OR51B5: variants seen among roughly 807,000 people sequenced by gnomAD.
OR51B5 encodes olfactory receptor 51B5.
For synonymous variants in OR51B5, 186 were observed against 144.8 expected, an observed-to-expected ratio of 1.28 and a Z score of -2.04; for missense variants, 456 against 374.6, an observed-to-expected ratio of 1.22 and a Z score of -1.79.
At chr11:5,351,967 A>T in intron 1 of OR51B5, 1 of 1,613,202 alleles carries the variant, frequency 6.2e-7, no homozygotes, top group Non-Finnish European at 8.5e-7. Context: ...TGGTCTGTCC[A>T]TTATGCCAAT....
intron 1 of OR51B5, among the ~76,000 whole-genome samples, chr11:5,467,674 C>G (rs1227461927): frequency 2.0e-5 from 3 of 152,224 alleles, no homozygotes; most frequent in Non-Finnish European, 2.9e-5. Flanking sequence ...TTGCTGACAG[C>G]CTTCAGCTAT....
chr11:5,389,358 A>G, intron 1 of OR51B5: 1 of 1,582,470 alleles, frequency 6.3e-7, no homozygotes, highest in Middle Eastern at 1.7e-4. Flanking sequence ...AAGAATTAAT[A>G]ACCAGAAATA....
chr11:5,401,996 G>T (rs12790536), intron 1 of OR51B5, among the ~76,000 whole-genome samples: 113,355 of 149,100 alleles, frequency 0.76, 44,547 homozygotes, highest in Non-Finnish European at 0.87. Context: ...CCCGCTTGCT[G>T]TTCTCTTTTT....
chr11:5,408,537 C>T (rs948450164), intron 1 of OR51B5, among the ~76,000 whole-genome samples: 4 of 152,096 alleles, frequency 2.6e-5, no homozygotes, highest in African/African-American at 9.7e-5. Context: ...TCATGACATC[C>T]AATTGGTGGT....
chr11:5,364,702 T>C (rs2647608), intron 1 of OR51B5, among the ~76,000 whole-genome samples: 36,002 of 152,072 alleles, frequency 0.24, 4,497 homozygotes, highest in Non-Finnish European at 0.26. Context: ...TCTAAGCTGT[T>C]TGCCCATCCA....
chr11:5,413,854 ACTC>A (rs1472663432), intron 1 of OR51B5, among the ~76,000 whole-genome samples: 1 of 151,522 alleles, frequency 6.6e-6, no homozygotes. Context: ...GTTGGAAAAC[ACTC>A]TGCAGGATAT....
upstream of OR51B5, among the ~76,000 whole-genome samples, chr11:5,348,036 G>T (rs1024753145): frequency 7.1e-6 from 1 of 140,826 alleles, no homozygotes; most frequent in Non-Finnish European, 1.6e-5. Context: ...AGATCTCATT[G>T]CAGGAACCAA....
intron 1 of OR51B5, among the ~76,000 whole-genome samples, chr11:5,461,216 C>T (rs371765905): frequency 5.3e-5 from 8 of 152,216 alleles, no homozygotes; most frequent in Admixed American, 3.3e-4. Context: ...ACTGCTCGGG[C>T]GATGGTGGGT....
chr11:5,351,584 T>A, intron 1 of OR51B5: 1 of 1,614,154 alleles, frequency 6.2e-7, no homozygotes, highest in Non-Finnish European at 8.5e-7. Context: ...CACTGGATAT[T>A]CATCCCATTA....
chr11:5,351,416 T>C (rs937588626), intron 1 of OR51B5: 2 of 638,720 alleles, frequency 3.1e-6, no homozygotes, highest in African/African-American at 2.0e-5. Context: ...GAACATCTTA[T>C]GAACAGGTAG....
At chr11:5,394,652 CAT>C (rs896895342) in intron 1 of OR51B5, among the ~76,000 whole-genome samples, 7 of 152,298 alleles carry the variant, frequency 4.6e-5, no homozygotes, top group Admixed American at 3.3e-4. Flanking sequence ...AGCCTTTGTA[CAT>C]GTTTTCCCCT....
chr11:5,480,805 CAG>C (rs1363748023), intron 1 of OR51B5, among the ~76,000 whole-genome samples: 3 of 132,080 alleles, frequency 2.3e-5, no homozygotes, highest in East Asian at 4.4e-4. Context: ...AAGACTAAAC[CAG>C]GAAGAAGTTG....
intron 1 of OR51B5, among the ~76,000 whole-genome samples, chr11:5,463,580 G>A (rs907954008): frequency 6.6e-6 from 1 of 152,142 alleles, no homozygotes; most frequent in Non-Finnish European, 1.5e-5. Context: ...AGATATTTTG[G>A]GGAGTGGATA....
intron 1 of OR51B5, among the ~76,000 whole-genome samples, chr11:5,466,428 G>A (rs371178451): frequency 1.7e-4 from 26 of 152,152 alleles, no homozygotes; most frequent in Admixed American, 2.6e-4. Context: ...ATGAAAGGAC[G>A]CATTTTTTAA....
chr11:5,403,690 A>G (rs894243824), intron 1 of OR51B5: 3 of 363,238 alleles, frequency 8.3e-6, no homozygotes, highest in Non-Finnish European at 1.6e-5. Context: ...CTGTCCATGA[A>G]CTGAGGTGAG....
chr11:5,480,127 T>C (rs984402185), intron 1 of OR51B5, among the ~76,000 whole-genome samples: 11 of 152,100 alleles, frequency 7.2e-5, no homozygotes, highest in Admixed American at 5.9e-4. Flanking sequence ...CCTCATCAAA[T>C]GTAAAAGAAC....
chr11:5,341,126 C>T (rs147775569), downstream of OR51B5: 567 of 152,248 alleles, frequency 3.7e-3, 7 homozygotes, highest in African/African-American at 0.013. Context: ...GTTGGACTCT[C>T]TATGAGCAAT....
intron 1 of OR51B5, among the ~76,000 whole-genome samples, chr11:5,400,715 G>A: frequency 6.6e-6 from 1 of 152,320 alleles, no homozygotes; most frequent in African/African-American, 2.4e-5. Flanking sequence ...TTTGTTCTCT[G>A]TGAGCTGTGG....
At chr11:5,505,622 A>G (rs1846361508) in exon 1 of OR51B5, 1 of 488,848 alleles carries the variant, frequency 2.0e-6, no homozygotes, top group African/African-American at 2.1e-5. Flanking sequence ...AGCAAGTCAC[A>G]TCCTACTGGA....
Sources: gnomAD v4.1 joint callset for allele counts (sites outside exome capture counted in the v4.1 genomes callset) on GRCh38, gnomAD v4.1.1 for gene constraint, MANE v1.5 for transcripts, NCBI Gene and HGNC (gene_info 2026-07-23, HGNC 2026-07-21) for gene names.